XRCC5: variants seen among roughly 807,000 people sequenced by gnomAD.
XRCC5 encodes DNA repair protein Ku80.
Under a neutral mutation model 95.7 loss-of-function variants are expected in XRCC5, and 12 were observed. That is an observed-to-expected ratio of 0.13 (90% CI 0.08 to 0.20). The LOEUF is 0.20. Among genes scored for constraint, XRCC5 ranks in the 10% least tolerant of loss-of-function variants. The probability of loss-of-function intolerance (pLI) is 1.00; values close to 1 mark genes in which losing one functional copy is unlikely to be tolerated. For missense variants in XRCC5, 595 were observed against 873.9 expected (o/e 0.68, Z 4.02); for synonymous variants, 281 against 290.3 (o/e 0.97, Z 0.33).
chr2:216,156,984 C>T (rs1053136731), intron 14 of XRCC5, among the ~76,000 whole-genome samples: 3 of 152,124 alleles, frequency 2.0e-5, no homozygotes, highest in East Asian at 1.9e-4. Context: ...GAGAAGGGGT[C>T]GTGAAGGATC....
At chr2:216,168,255 T>G (rs1308836479) in intron 16 of XRCC5, among the ~76,000 whole-genome samples, 1 of 152,236 alleles carries the variant, frequency 6.6e-6, no homozygotes, top group Non-Finnish European at 1.5e-5. Flanking sequence ...TGAAAGACTC[T>G]GGATCAAATT....
chr2:216,190,350 C>G lies in XRCC5; in HGVS notation c.1944+16C>G, dbSNP rs898328166. ...AGCCATTAAGGTAATGCTATCCTAG[C>G]ATCTCTTTTCTTCCTAAACAGTTGG... On this transcript the variant is annotated intron_variant, in intron 17 of 20. Transcript: ENST00000392132. The G allele has an allele frequency of 6.2e-7, 1 of 1,603,228 alleles. No homozygotes were observed. The highest frequency in any genetic ancestry group is 8.5e-7 in the Non-Finnish European group (1 of 1,171,060).
intron 10 of XRCC5, 93 bp downstream of exon 10, chr2:216,132,480 A>G (rs1697011122): frequency 5.4e-6 from 7 of 1,294,074 alleles, no homozygotes; most frequent in Non-Finnish European, 7.8e-6. Flanking sequence ...GTTTAAAATG[A>G]CATGAATTCT....
chr2:216,124,537 T>C (rs531446664), intron 6 of XRCC5, among the ~76,000 whole-genome samples: 9 of 152,348 alleles, frequency 5.9e-5, no homozygotes, highest in Admixed American at 5.2e-4. Flanking sequence ...TGAGACACGT[T>C]AGACCTGGTT....
intron 19 of XRCC5, among the ~76,000 whole-genome samples, chr2:216,196,827 G>C (rs1045021001): frequency 6.6e-6 from 1 of 152,168 alleles, no homozygotes; most frequent in African/African-American, 2.4e-5. Flanking sequence ...CTAGAGTAGT[G>C]TTTGATGGAA....
chr2:216,157,226 T>C (rs1688860729), intron 14 of XRCC5, among the ~76,000 whole-genome samples: 1 of 102,554 alleles, frequency 9.8e-6, no homozygotes, highest in Non-Finnish European at 2.3e-5. Context: ...TCTTTTTTTT[T>C]TGTTTTTTTT....
At chr2:216,148,015 G>T (rs1688672306) in intron 13 of XRCC5, 68 bp from the exon 14 acceptor site, 2 of 1,507,912 alleles carry the variant, frequency 1.3e-6, no homozygotes, top group Non-Finnish European at 1.8e-6. Flanking sequence ...GAGGATCCCT[G>T]ATCAGAAAAT....
intron 14 of XRCC5, among the ~76,000 whole-genome samples, chr2:216,156,021 C>T (rs573075364): frequency 6.6e-6 from 1 of 152,184 alleles, no homozygotes. Flanking sequence ...GAAGCGAAGA[C>T]ACTAAGTTAC....
chr2:216,190,403 GC>G, intron 17 of XRCC5, 69 bp downstream of exon 17: 1 of 1,370,882 alleles, frequency 7.3e-7, no homozygotes, highest in Non-Finnish European at 1.0e-6. Context: ...GAGGCATACA[GC>G]ATCCTGGAAA....
At chr2:216,116,875 A>T in intron 3 of XRCC5, 33 bp downstream of exon 3, 1 of 1,605,836 alleles carries the variant, frequency 6.2e-7, no homozygotes, top group African/African-American at 1.3e-5. Flanking sequence ...GACTTTAAGA[A>T]ATTTCCTTTA....
In XRCC5 at chr2:216,116,720, A is replaced by G. The variant is rs1480480551; in HGVS notation, c.197A>G (p.Asn66Ser). ...CTGTTTGGTACAGATGGCACTGACA[A>G]TCCCCTTTCTGGTGGGGATCAGTAT... ...LVLFGTDGTD[N>S]PLSGGDQYQN... Residue 66 changes from asparagine to serine, a missense_variant, in exon 3 of 21, where the codon AAT becomes AGT. Coordinates refer to ENST00000392132, the MANE Select transcript of XRCC5 (RefSeq NM_021141.4). 1 of 1,614,166 alleles carries G rather than the reference A, an allele frequency of 6.2e-7. No homozygotes were observed.
intron 14 of XRCC5, 81 bp downstream of exon 14, chr2:216,148,357 A>G: frequency 7.7e-7 from 1 of 1,306,874 alleles, no homozygotes; most frequent in Middle Eastern, 2.8e-4. Context: ...GAAGTGTCAC[A>G]TAGGGGTCTA....
intron 19 of XRCC5, among the ~76,000 whole-genome samples, chr2:216,198,452 C>T (rs1689772037): frequency 6.6e-6 from 1 of 152,130 alleles, no homozygotes; most frequent in Non-Finnish European, 1.5e-5. Flanking sequence ...TGAGATTATG[C>T]TTTTGTGTCT....
intron 16 of XRCC5, among the ~76,000 whole-genome samples, chr2:216,181,707 G>C (rs1427750258): frequency 1.3e-5 from 2 of 152,134 alleles, no homozygotes; most frequent in South Asian, 4.1e-4. Context: ...CCTCCATCTG[G>C]CTTTTTTGGT....
intron 16 of XRCC5, among the ~76,000 whole-genome samples, chr2:216,167,411 T>G (rs1303491179): frequency 6.6e-6 from 1 of 152,160 alleles, no homozygotes; most frequent in Non-Finnish European, 1.5e-5. Context: ...CAAAGCCAAA[T>G]AGTTTTCAGT....
At position 216,141,104 on chromosome 2, in the gene XRCC5, G is replaced by C. The variant is rs115782481; in HGVS notation, c.1343-82G>C. 1.4e-4 allele frequency: 216 copies of C among 1,539,860 alleles called. No homozygotes were observed. The Middle Eastern group carries it at 5.3e-3, about 38-fold the overall frequency. On this transcript the variant is annotated intron_variant, in intron 12 of 20. Transcript: ENST00000392132. The stretch of plus-strand genomic sequence containing the variant: ...GACTGTATAACCTGCCAATATTGCC[G>C]TGGATATCTCTACGTAGAAAGCATT...
intron 3 of XRCC5, 29 bp from the exon 4 acceptor site, chr2:216,117,717 G>A: frequency 2.5e-6 from 4 of 1,612,000 alleles, no homozygotes; most frequent in Non-Finnish European, 3.4e-6. Context: ...GAGACTGTTT[G>A]GTGATATCCC....
intron 17 of XRCC5, among the ~76,000 whole-genome samples, chr2:216,191,695 G>A (rs934626475): frequency 2.0e-5 from 3 of 152,188 alleles, no homozygotes; most frequent in African/African-American, 7.2e-5. Context: ...ACAGGGGTGA[G>A]CCACTGCGCC....
chr2:216,194,044 C>T (rs537572912), intron 18 of XRCC5, among the ~76,000 whole-genome samples: 1 of 152,308 alleles, frequency 6.6e-6, no homozygotes, highest in South Asian at 2.1e-4. Flanking sequence ...AACATGGCCA[C>T]AAGACAAAAT....
Sources: gnomAD v4.1 joint callset for allele counts (sites outside exome capture counted in the v4.1 genomes callset) on GRCh38, gnomAD v4.1.1 for gene constraint, MANE v1.5 for transcripts, NCBI Gene and HGNC (gene_info 2026-07-23, HGNC 2026-07-21) for gene names.